The following MCF2L2 variants were observed in gnomAD, a reference collection of about 807,000 sequenced individuals.
MCF2L2 encodes the protein MCF.2 cell line derived transforming sequence-like 2.
Under a neutral mutation model 150.2 loss-of-function variants are expected in MCF2L2, and 102 were observed. That is an observed-to-expected ratio of 0.68 (90% CI 0.58 to 0.80). The LOEUF is 0.80. MCF2L2 is among the 30% of genes least tolerant of loss of function. MCF2L2 has a pLI of 0.00. For missense variants in MCF2L2, 1,256 were observed against 1,372.8 expected (o/e 0.91, Z 1.34); for synonymous variants, 465 against 491.3 (o/e 0.95, Z 0.71).
intron 25 of MCF2L2, among the ~76,000 whole-genome samples, chr3:183,204,592 T>C (rs1289296487): frequency 6.6e-6 from 1 of 152,190 alleles, no homozygotes; most frequent in African/African-American, 2.4e-5. Flanking sequence ...TTTTGAAAGA[T>C]GATTTGGAAG....
At chr3:183,183,833 T>C (rs1332910304) in intron 27 of MCF2L2, among the ~76,000 whole-genome samples, 2 of 152,118 alleles carry the variant, frequency 1.3e-5, no homozygotes, top group Non-Finnish European at 2.9e-5. Flanking sequence ...CAGGGAGGTT[T>C]GTCTGCCATT....
chr3:183,319,942 C>A (rs1452683122), intron 6 of MCF2L2, among the ~76,000 whole-genome samples: 2 of 152,134 alleles, frequency 1.3e-5, no homozygotes, highest in African/African-American at 4.8e-5. Context: ...GCTGCATTAG[C>A]CCCTAACAAG....
chr3:183,313,578 G>A lies in MCF2L2; in HGVS notation c.754-1806C>T, dbSNP rs572529715. ...TGTCATGAACACAGACGGAAAGATG[G>A]AGCAACTACGGTACTTGGAAAGGGT... On this transcript the variant is annotated intron_variant, in intron 7 of 29. Transcript: ENST00000328913. Among the ~76,000 whole-genome samples, 35 of 152,328 alleles carry A rather than the reference G, an allele frequency of 2.3e-4. 1 individual carries two copies. The South Asian group carries it at 7.0e-3, about 31-fold the overall frequency.
At chr3:183,248,561 G>T (rs927569203) in intron 15 of MCF2L2, among the ~76,000 whole-genome samples, 2 of 152,190 alleles carry the variant, frequency 1.3e-5, no homozygotes, top group Admixed American at 6.5e-5. Flanking sequence ...CAGACCTGGT[G>T]CAGTGGCTCA....
intron 1 of MCF2L2, among the ~76,000 whole-genome samples, chr3:183,406,787 C>A (rs1456320197): frequency 6.6e-6 from 1 of 152,198 alleles, no homozygotes; most frequent in Non-Finnish European, 1.5e-5. Flanking sequence ...CCACACCCAG[C>A]CTATTCACAA....
At position 183,207,704 on chromosome 3, in the gene MCF2L2, G is replaced by A. The variant is rs1722547394; in HGVS notation, c.2616C>T (p.Ile872=). 3.1e-6 allele frequency: 5 copies of A among 1,614,018 alleles called. No homozygotes were observed. The highest frequency in any genetic ancestry group is 3.4e-6 in the Non-Finnish European group (4 of 1,179,962). The change falls in exon 23 of 30, where the codon ATC becomes ATT. Residue 872 remains isoleucine (I), a synonymous_variant. Transcript: ENST00000328913. ...LIRFKPSQRQ[I]YLFERGIVFC... is the part of the protein sequence containing the mutation. ...ACACTATTCCCCTTTCAAATAGGTA[G>A]ATTTGCCTCTGGCTGGGTTTAAATC...
Position 183,216,094 on chromosome 3 carries a change from C to A in MCF2L2, c.2371G>T (p.Asp791Tyr). The A allele has an allele frequency of 6.2e-7, 1 of 1,612,820 alleles. No homozygotes were observed. Among genetic ancestry groups the A allele is most frequent in the Non-Finnish European group, 8.5e-7 (1 of 1,179,462 alleles). ...DPGELGGSAK[D>Y]GPKRTKDSAF... ...GAATCTTTGGTTCTCTTTGGCCCAT[C>A]CTGTGGAAAACAAATGCCTTGTTGG... The change falls in exon 22 of 30, where the codon GAT becomes TAT. Residue 791 changes from aspartate (D) to tyrosine (Y), a missense_variant and splice_region_variant. Asp to Tyr is a radical substitution (Grantham distance 160). Transcript: ENST00000328913.
chr3:183,393,722 G>A (rs150310303), intron 1 of MCF2L2, among the ~76,000 whole-genome samples: 1 of 152,336 alleles, frequency 6.6e-6, no homozygotes, highest in East Asian at 1.9e-4. Context: ...TGAAATAATA[G>A]TCCAGCATGT....
At chr3:183,216,381 ATTCAGC>A (rs2108656154) in intron 21 of MCF2L2, among the ~76,000 whole-genome samples, 1 of 145,868 alleles carries the variant, frequency 6.9e-6, no homozygotes, top group South Asian at 2.1e-4. Flanking sequence ...AACATATAGA[ATTCAGC>A]TATATAGCTG....
At chr3:183,325,424 AT>A (rs1395769763) in intron 5 of MCF2L2, among the ~76,000 whole-genome samples, 1 of 152,126 alleles carries the variant, frequency 6.6e-6, no homozygotes, top group Non-Finnish European at 1.5e-5. Flanking sequence ...ACTTCTGAAA[AT>A]GGTTTGGGGC....
chr3:183,317,115 A>G (rs1345103424), intron 7 of MCF2L2, among the ~76,000 whole-genome samples: 1 of 152,154 alleles, frequency 6.6e-6, no homozygotes, highest in African/African-American at 2.4e-5. Flanking sequence ...TCTCCTAACT[A>G]GACTGTGTTC....
rs931998148 is a variant in MCF2L2 at position 183,197,725 on chromosome 3, T to C, written c.2885-2470A>G. Reference sequence around the variant, plus strand: ...GCATTAAAAGGACATATATCTAGGATATACATAAAAACTCTCAAAAGTCAA... The same window carrying C: ...GCATTAAAAGGACATATATCTAGGACATACATAAAAACTCTCAAAAGTCAA... On this transcript the variant is annotated intron_variant, in intron 25 of 29. Coordinates refer to ENST00000328913, the MANE Select transcript of MCF2L2 (RefSeq NM_015078.4). This position sits in a 1 kb window ranked among gnomAD's most constrained non-coding sequence, Gnocchi z 4.5. 6.6e-6 allele frequency among the ~76,000 whole-genome samples: 1 copy of C among 152,254 alleles called. No homozygotes were observed. Among genetic ancestry groups the C allele is most frequent in the African/African-American group, 2.4e-5 (1 of 41,554 alleles).
intron 12 of MCF2L2, 117 bp downstream of exon 12, chr3:183,296,859 G>T: frequency 2.6e-6 from 3 of 1,143,328 alleles, no homozygotes; most frequent in East Asian, 2.6e-5. Context: ...GAACCAGTGA[G>T]CCCACTCAAT....
At chr3:183,192,587 T>C (rs1721936102) in intron 27 of MCF2L2, 1 of 157,990 alleles carries the variant, frequency 6.3e-6, no homozygotes, top group Non-Finnish European at 1.4e-5. Flanking sequence ...AAGGGGATAA[T>C]TCGTGTACCA....
chr3:183,190,303 G>A (rs922068653), intron 27 of MCF2L2, among the ~76,000 whole-genome samples: 1 of 152,154 alleles, frequency 6.6e-6, no homozygotes, highest in Non-Finnish European at 1.5e-5. Context: ...CTCTCAACAC[G>A]CCACTTAACA....
At chr3:183,253,232 G>T (rs1724671441) in intron 15 of MCF2L2, 1 of 139,716 alleles carries the variant, frequency 7.2e-6, no homozygotes, top group Non-Finnish European at 1.6e-5. Flanking sequence ...GCCCCCGCCC[G>T]GGCCCGCCCC....
chr3:183,222,950 A>G (rs1371497653), intron 20 of MCF2L2, among the ~76,000 whole-genome samples: 1 of 152,228 alleles, frequency 6.6e-6, no homozygotes. Flanking sequence ...CCTAAATCTA[A>G]GAATGGAGGT....
intron 2 of MCF2L2, among the ~76,000 whole-genome samples, chr3:183,382,971 C>G (rs1482302688): frequency 6.6e-6 from 1 of 152,022 alleles, no homozygotes; most frequent in East Asian, 1.9e-4. Context: ...ATCTATTTTC[C>G]CTTTCTCCTC....
intron 1 of MCF2L2, among the ~76,000 whole-genome samples, chr3:183,396,713 G>T (rs6770597): frequency 0.051 from 7,784 of 152,026 alleles, 328 homozygotes; most frequent in African/African-American, 0.12. Flanking sequence ...GGCTGGAAAT[G>T]GTCTGTGGAC....
Sources: allele counts gnomAD v4.1 joint callset (sites outside exome capture counted in the v4.1 genomes callset), GRCh38; gene constraint gnomAD v4.1.1; non-coding constraint Gnocchi (gnomAD v3.1); transcripts MANE v1.5; gene names NCBI Gene and HGNC (gene_info 2026-07-23, HGNC 2026-07-21).